Variants in CNTNAP2 observed in about 807,000 individuals in gnomAD.
CNTNAP2 encodes contactin associated protein 2.
CNTNAP2 carries 98 observed loss-of-function variants against 155.2 expected under a neutral mutation model. The ratio of observed to expected loss-of-function variants is 0.63; its 90% confidence interval spans 0.54 to 0.75. The LOEUF (loss-of-function observed/expected upper bound fraction) is 0.75. Ranked by LOEUF, CNTNAP2 falls within the 30% of genes least tolerant of loss-of-function variation. The pLI is 0.00. For synonymous variants in CNTNAP2, 651 were observed against 631.2 expected, an observed-to-expected ratio of 1.03 and a Z score of -0.47; for missense variants, 1,727 against 1,688.1, an observed-to-expected ratio of 1.02 and a Z score of -0.40.
intron 1 of CNTNAP2, among the ~76,000 whole-genome samples, chr7:146,318,299 A>G (rs898318420): frequency 1.3e-5 from 2 of 152,168 alleles, no homozygotes; most frequent in African/African-American, 2.4e-5. Context: ...TAAAGTGTTG[A>G]GAATTCTACT....
intron 1 of CNTNAP2, among the ~76,000 whole-genome samples, chr7:146,163,475 ATATATATC>A (rs1165202938): frequency 6.8e-6 from 1 of 146,036 alleles, no homozygotes; most frequent in Non-Finnish European, 1.5e-5. Context: ...ATATATATCT[ATATATATC>A]TATCTATATC....
At chr7:146,633,424 A>G (rs1050443123) in intron 1 of CNTNAP2, among the ~76,000 whole-genome samples, 9 of 152,166 alleles carry the variant, frequency 5.9e-5, no homozygotes, top group African/African-American at 2.2e-4. Context: ...ACAGTAAATG[A>G]CATTAAGGAG....
At chr7:148,187,788 G>A (rs773769716) in intron 18 of CNTNAP2, among the ~76,000 whole-genome samples, 5 of 152,014 alleles carry the variant, frequency 3.3e-5, no homozygotes, top group Non-Finnish European at 7.4e-5. Context: ...TAAAAATTAT[G>A]ACACAAATAA....
intron 20 of CNTNAP2, among the ~76,000 whole-genome samples, chr7:148,240,350 T>C (rs1317711978): frequency 6.6e-6 from 1 of 152,184 alleles, no homozygotes; most frequent in East Asian, 1.9e-4. Flanking sequence ...TTCCACCTAC[T>C]TCTCCTCTAG....
At chr7:147,834,979 A>G (rs1274180692) in intron 13 of CNTNAP2, among the ~76,000 whole-genome samples, 1 of 152,180 alleles carries the variant, frequency 6.6e-6, no homozygotes, top group Non-Finnish European at 1.5e-5. Flanking sequence ...ACTGGCTTCT[A>G]ACCAACTCAC....
At chr7:147,139,610 A>G (rs1043389330) in intron 8 of CNTNAP2, among the ~76,000 whole-genome samples, 10 of 151,712 alleles carry the variant, frequency 6.6e-5, no homozygotes, top group African/African-American at 2.4e-4. Context: ...TACCTCCCTC[A>G]CCTTTTAATT....
At chr7:147,800,951 G>A (rs576140154) in intron 13 of CNTNAP2, among the ~76,000 whole-genome samples, 2 of 152,334 alleles carry the variant, frequency 1.3e-5, no homozygotes, top group South Asian at 4.1e-4. Flanking sequence ...TAGCCTAGGT[G>A]AGTAGTAGGC....
chr7:147,387,584 A>G (rs1321072793), intron 9 of CNTNAP2, among the ~76,000 whole-genome samples: 1 of 152,114 alleles, frequency 6.6e-6, no homozygotes, highest in Non-Finnish European at 1.5e-5. Context: ...ATAAACATAT[A>G]TATTTTTAAA....
At chr7:146,603,189 G>T (rs1798979110) in intron 1 of CNTNAP2, among the ~76,000 whole-genome samples, 1 of 151,332 alleles carries the variant, frequency 6.6e-6, no homozygotes, top group African/African-American at 2.4e-5. Context: ...AAGGCGGGCG[G>T]ATCATGAGGT....
At chr7:147,370,692 C>CCTTAGTATGTTTTAGATGACTCAGTAGA (rs1215885105) in intron 9 of CNTNAP2, among the ~76,000 whole-genome samples, 1 of 152,104 alleles carries the variant, frequency 6.6e-6, no homozygotes, top group Non-Finnish European at 1.5e-5. Context: ...AACCCTTAAT[C>CCTTAGTATGTTTTAGATGACTCAGTAGA]CTTAGTATGT....
intron 12 of CNTNAP2, among the ~76,000 whole-genome samples, chr7:147,601,833 GTC>G (rs1453186017): frequency 9.9e-5 from 15 of 151,602 alleles, no homozygotes; most frequent in African/African-American, 3.6e-4. Context: ...TACTTCTTAA[GTC>G]TCTTAATTTT....
intron 2 of CNTNAP2, among the ~76,000 whole-genome samples, chr7:146,837,023 C>A (rs1338492291): frequency 6.6e-6 from 1 of 152,062 alleles, no homozygotes; most frequent in East Asian, 1.9e-4. Flanking sequence ...CATCGTCTTT[C>A]AGCAAATAAT....
chr7:148,123,216 A>G (rs142298061), intron 16 of CNTNAP2, among the ~76,000 whole-genome samples: 13 of 152,300 alleles, frequency 8.5e-5, no homozygotes, highest in Non-Finnish European at 2.9e-5. Flanking sequence ...TACCCTCAGC[A>G]TGGATGAGAT....
At chr7:147,865,457 G>A (rs1404137682) in intron 13 of CNTNAP2, among the ~76,000 whole-genome samples, 4 of 152,088 alleles carry the variant, frequency 2.6e-5, no homozygotes, top group African/African-American at 7.2e-5. Flanking sequence ...GAGTTAGGGA[G>A]GATTCCTTCT....
At chr7:148,291,615 A>G (rs1470846012) in intron 21 of CNTNAP2, among the ~76,000 whole-genome samples, 2 of 152,114 alleles carry the variant, frequency 1.3e-5, no homozygotes, top group Non-Finnish European at 2.9e-5. Flanking sequence ...CTCAAATGGT[A>G]ATCTCCTTTG....
At chr7:147,817,719 T>G (rs184156157) in intron 13 of CNTNAP2, among the ~76,000 whole-genome samples, 2 of 151,886 alleles carry the variant, frequency 1.3e-5, no homozygotes, top group Non-Finnish European at 2.9e-5. Flanking sequence ...CTGGCTAACA[T>G]GGTGAAACCC....
intron 1 of CNTNAP2, among the ~76,000 whole-genome samples, chr7:146,213,209 A>G (rs1023513910): frequency 1.3e-5 from 2 of 152,198 alleles, no homozygotes; most frequent in African/African-American, 2.4e-5. Context: ...ATTTCAATAC[A>G]TGTCCAATTC....
intron 4 of CNTNAP2, among the ~76,000 whole-genome samples, chr7:147,066,245 A>T (rs752917562): frequency 2.0e-5 from 3 of 152,148 alleles, no homozygotes; most frequent in Non-Finnish European, 4.4e-5. Context: ...CTTTCAGCAG[A>T]TCGTCGTCAG....
intron 21 of CNTNAP2, among the ~76,000 whole-genome samples, chr7:148,369,357 C>T (rs1484396929): frequency 6.6e-6 from 1 of 151,852 alleles, no homozygotes; most frequent in African/African-American, 2.4e-5. Context: ...TGCCACTACA[C>T]CTGGCTAATT....
Sources: gnomAD v4.1 joint callset for allele counts (sites outside exome capture counted in the v4.1 genomes callset) on GRCh38, gnomAD v4.1.1 for gene constraint, MANE v1.5 for transcripts, NCBI Gene and HGNC (gene_info 2026-07-23, HGNC 2026-07-21) for gene names.